The following EPS15L1 variants were observed in gnomAD, a reference collection of about 807,000 sequenced individuals.
EPS15L1 encodes epidermal growth factor receptor pathway substrate 15 like 1.
A neutral mutation model predicts 117.1 loss-of-function variants in EPS15L1; 43 were observed. The ratio of observed to expected loss-of-function variants is 0.37; its 90% CI spans 0.29 to 0.47. EPS15L1 has a LOEUF of 0.47. EPS15L1 is among the 20% of genes least tolerant of loss of function. The pLI is 0.99. For synonymous variants in EPS15L1, 459 were observed against 470.5 expected, an observed-to-expected ratio of 0.98 and a Z score of 0.32; for missense variants, 981 against 1,164.0, an observed-to-expected ratio of 0.84 and a Z score of 2.29.
chr19:16,437,068 A>G (rs1347762312), intron 5 of EPS15L1, 69 bp from the exon 6 acceptor site: 2 of 1,364,388 alleles, frequency 1.5e-6, no homozygotes, highest in Non-Finnish European at 2.1e-6. Context: ...GGGTTTGCTG[A>G]AAAGGATACA....
Position 16,404,658 on chromosome 19 carries a change from T to C in EPS15L1, c.1358A>G (p.Asp453Gly), listed in dbSNP as rs746827780. The C allele has an allele frequency of 1.2e-6, 2 of 1,614,060 alleles. No homozygotes were observed. Among genetic ancestry groups the C allele is most frequent in the African/African-American group, 2.7e-5 (2 of 74,916 alleles). The change falls in exon 14 of 24, where the codon GAC becomes GGC. Residue 453 changes from aspartate (D) to glycine (G), a missense_variant. Transcript: ENST00000455140. The surrounding 1 kb of genome is among the most constrained non-coding windows in gnomAD (Gnocchi z 4.2). ...GTCTCGGAGCTTGGCCTTCTGCTGG[T>C]CCATCTCGTCCAGGCGGTCTTGAGC... is the stretch of plus-strand genomic sequence containing the variant. ...QDAQDRLDEM[D>G]QQKAKLRDML... is the part of the protein sequence containing the mutation.
intron 10 of EPS15L1, among the ~76,000 whole-genome samples, chr19:16,419,248 C>T (rs1020687278): frequency 1.3e-5 from 2 of 152,190 alleles, no homozygotes; most frequent in Non-Finnish European, 2.9e-5. Flanking sequence ...CACCTGAGGT[C>T]AGGAGTTCGA....
At chr19:16,455,455 A>G (rs906724452) in intron 1 of EPS15L1, among the ~76,000 whole-genome samples, 2 of 152,202 alleles carry the variant, frequency 1.3e-5, no homozygotes, top group African/African-American at 4.8e-5. Flanking sequence ...GAGAAAAAAC[A>G]TTGCCTGCAG....
At chr19:16,374,559 G>T (rs917892602) in intron 22 of EPS15L1, among the ~76,000 whole-genome samples, 1 of 152,122 alleles carries the variant, frequency 6.6e-6, no homozygotes, top group Non-Finnish European at 1.5e-5. Context: ...AAGCCAAGGT[G>T]GGGTGGGTAG....
chr19:16,400,736 A>AT, intron 16 of EPS15L1: 1 of 985,426 alleles, frequency 1.0e-6, no homozygotes, highest in South Asian at 4.7e-5. Context: ...TCCCAAAGTA[A>AT]TTGTGTCTCA....
chr19:16,439,079 T>G (rs56061532), intron 4 of EPS15L1, among the ~76,000 whole-genome samples: 14,763 of 151,650 alleles, frequency 0.097, 1,218 homozygotes, highest in East Asian at 0.27. Context: ...TTTCTGTTTT[T>G]TTTTTTTTTT....
At chr19:16,380,001 A>G (rs2092343148) in intron 21 of EPS15L1, among the ~76,000 whole-genome samples, 1 of 151,802 alleles carries the variant, frequency 6.6e-6, no homozygotes, top group Admixed American at 6.6e-5. Flanking sequence ...ACACCAATGC[A>G]GCTGTCTAAA....
chr19:16,458,520 C>G (rs548834141), intron 1 of EPS15L1, among the ~76,000 whole-genome samples: 136 of 152,064 alleles, frequency 8.9e-4, no homozygotes, highest in Non-Finnish European at 1.8e-3. Flanking sequence ...ACGGCCCTGC[C>G]TTCACCCGCT....
intron 13 of EPS15L1, among the ~76,000 whole-genome samples, chr19:16,406,586 C>T (rs1056759472): frequency 1.3e-5 from 2 of 152,204 alleles, no homozygotes; most frequent in Admixed American, 1.3e-4. Context: ...TCCCTGGTGT[C>T]CTGGGCCTCA....
rs147183654 is a variant in EPS15L1 at position 16,448,660 on chromosome 19, A to G, written c.34-6441T>C. ...GGAGTTCAAGACCAGCCTGGCTAAC[A>G]TGGCTAAAAATACAAAAAAATTAGC... is the stretch of plus-strand genomic sequence containing the variant. On this transcript the variant is annotated intron_variant, in intron 1 of 23. Coordinates refer to ENST00000455140, the MANE Select transcript of EPS15L1 (RefSeq NM_001258374.3). Among the ~76,000 whole-genome samples the G allele has an allele frequency of 7.4e-3, 1,128 of 151,956 alleles. 11 individuals carry two copies. Among genetic ancestry groups the G allele is most frequent in the African/African-American group, 0.024 (1,012 of 41,424 alleles).
chr19:16,361,601 A>G (rs2144628911), intron 23 of EPS15L1, 178 bp downstream of exon 23: 1 of 1,301,564 alleles, frequency 7.7e-7, no homozygotes. Context: ...TTTTTTATTG[A>G]GAAACTGTTT....
At chr19:16,438,178 C>A (rs1425198216) in intron 4 of EPS15L1, among the ~76,000 whole-genome samples, 1 of 151,990 alleles carries the variant, frequency 6.6e-6, no homozygotes, top group African/African-American at 2.4e-5. Flanking sequence ...CATGGCGAAA[C>A]CTCATTTCTA....
intron 5 of EPS15L1, 147 bp from the exon 6 acceptor site, chr19:16,437,146 G>C (rs1211209412): frequency 3.1e-6 from 2 of 650,180 alleles, no homozygotes; most frequent in Non-Finnish European, 5.5e-6. Flanking sequence ...ACATGACCCA[G>C]CAATTCCACT....
Position 16,404,895 on chromosome 19 carries a change from C to CATTGG in EPS15L1, c.1267-147_1267-146insCCAAT. On this transcript the variant is annotated intron_variant, in intron 13 of 23. Coordinates refer to ENST00000455140, the MANE Select transcript of EPS15L1 (RefSeq NM_001258374.3). This position sits in a 1 kb window ranked among gnomAD's most constrained non-coding sequence, Gnocchi z 4.2. The stretch of plus-strand genomic sequence containing the variant: ...GCTCAGGGCCAGCATTCCGTGCACA[C>CATTGG]CCACGGCCAATGTGTGCCTCTTGGG... 1 of 841,628 alleles carries CATTGG rather than the reference C, an allele frequency of 1.2e-6. No homozygotes were observed. The highest frequency in any genetic ancestry group is 1.9e-6 in the Non-Finnish European group (1 of 533,304). The allele number at this position is 841,628 out of a possible 1,614,324, so 52.1% of individuals were successfully genotyped here.
At chr19:16,420,949 C>A (rs1335416748) in intron 10 of EPS15L1, among the ~76,000 whole-genome samples, 1 of 152,238 alleles carries the variant, frequency 6.6e-6, no homozygotes, top group Non-Finnish European at 1.5e-5. Context: ...CTGCTAGAGG[C>A]TCCAAGGCCC....
intron 15 of EPS15L1, among the ~76,000 whole-genome samples, chr19:16,402,771 G>C (rs1055249247): frequency 6.6e-6 from 1 of 151,988 alleles, no homozygotes; most frequent in Non-Finnish European, 1.5e-5. Flanking sequence ...TTTTTGTAGA[G>C]ATGGGGTCTC....
At position 16,403,813 on chromosome 19, in the gene EPS15L1, C is replaced by G. The variant is rs1178754112; in HGVS notation, c.1546G>C (p.Glu516Gln). Reference protein sequence around the residue: ...NRLQQEETQLEQSIQAGRVQL... With the variant: ...NRLQQEETQLQQSIQAGRVQL... ...ACTCGCCCAGCCTGAATGCTCTGCT[C>G]CAGCTGGGTTTCCTCCTGCTGCAAT... The change falls in exon 15 of 24, where the codon GAG becomes CAG. Residue 516 changes from glutamate (E) to glutamine (Q), a missense_variant. Around this residue, in one of 5 missense-constraint regions of EPS15L1, gnomAD observed 819 missense variants for 949.0 expected, o/e 0.86. Transcript: ENST00000455140. The G allele has an allele frequency of 1.2e-6, 2 of 1,614,102 alleles. No individual in the cohort carries two copies. The highest frequency in any genetic ancestry group is 2.2e-5 in the East Asian group (1 of 44,878).
intron 1 of EPS15L1, among the ~76,000 whole-genome samples, chr19:16,455,191 C>T (rs1046601555): frequency 1.3e-5 from 2 of 152,072 alleles, no homozygotes; most frequent in Non-Finnish European, 2.9e-5. Context: ...GACCATAGCT[C>T]ACTGTAGCCT....
chr19:16,375,229 T>G (rs935657174), intron 22 of EPS15L1, among the ~76,000 whole-genome samples: 3 of 152,202 alleles, frequency 2.0e-5, no homozygotes, highest in African/African-American at 7.2e-5. Flanking sequence ...AGAATACTCA[T>G]GTGATGCAGT....
Sources: allele counts gnomAD v4.1 joint callset (sites outside exome capture counted in the v4.1 genomes callset), GRCh38; gene constraint gnomAD v4.1.1; regional missense constraint gnomAD v4.1.1; non-coding constraint Gnocchi (gnomAD v3.1); transcripts MANE v1.5; gene names NCBI Gene and HGNC (gene_info 2026-07-23, HGNC 2026-07-21).